MCEE: variants seen among roughly 807,000 people sequenced by gnomAD.
MCEE encodes methylmalonyl-CoA epimerase, also known as methylmalonyl-CoA epimerase, mitochondrial.
MCEE carries 6 observed loss-of-function variants against 12.9 expected under a neutral mutation model. The ratio of observed to expected loss-of-function variants is 0.47; its 90% CI spans 0.26 to 0.92. The LOEUF is 0.92. Among genes scored for constraint, MCEE ranks in the 40% least tolerant of loss-of-function variants. The pLI is 0.16. For missense variants in MCEE, 214 were observed against 212.1 expected (o/e 1.01, Z -0.05); for synonymous variants, 78 against 77.9 (o/e 1.00, Z -0.01).
chr2:71,110,108 A>G lies in MCEE; in HGVS notation c.393T>C (p.Asn131=), dbSNP rs937284196. The change falls in exon 3 of 3, where the codon AAT becomes AAC. Residue 131 remains asparagine (N), a synonymous_variant. Transcript: ENST00000244217. ...HHICIEVDNI[N]AAVMDLKKKK... ...TTTTTTTCAAATCCATCACAGCTGC[A>G]TTAATATTATCCACCTTAAGAAAGG... 3 of 1,612,952 alleles carry G rather than the reference A, an allele frequency of 1.9e-6. No homozygotes were observed. Among genetic ancestry groups the G allele is most frequent in the Non-Finnish European group, 1.7e-6 (2 of 1,179,140 alleles).
chr2:71,126,250 C>T lies in MCEE; in HGVS notation c.41-1707G>A, dbSNP rs537112644. ...ACTTTATTATTTATTTATTTTGAGA[C>T]GAACTCTTGCTCTTTCACCCAGGCT... On this transcript the variant is annotated intron_variant, in intron 1 of 2. Coordinates refer to ENST00000244217, the MANE Select transcript of MCEE (RefSeq NM_032601.4). Among the ~76,000 whole-genome samples, 175 of 152,200 alleles carry T rather than the reference C, an allele frequency of 1.1e-3. 1 individual carries two copies. The highest frequency in any genetic ancestry group is 4.0e-3 in the African/African-American group (166 of 41,496).
Position 71,110,076 on chromosome 2 carries a change from ATCT to A in MCEE, c.422_424del (p.Lys141del). 3 of 1,613,506 alleles carry A rather than the reference ATCT, an allele frequency of 1.9e-6. No individual in the cohort carries two copies. Among genetic ancestry groups the A allele is most frequent in the East Asian group, 2.2e-5 (1 of 44,846 alleles). ...TTTGACCTCTTCACTTAGACTGCGG[ATCT>A]TCTTTTTTTTCAAATCCATCACAGC... is the stretch of plus-strand genomic sequence containing the variant. On this transcript the variant is annotated inframe_deletion, in exon 3 of 3. Transcript: ENST00000244217.
At chr2:71,125,010 G>T (rs2103640904) in intron 1 of MCEE, among the ~76,000 whole-genome samples, 1 of 151,082 alleles carries the variant, frequency 6.6e-6, no homozygotes, top group Middle Eastern at 3.4e-3. Flanking sequence ...ACTCTTTAAT[G>T]CTCTGTTGCC....
intron 1 of MCEE, among the ~76,000 whole-genome samples, chr2:71,125,211 A>ATATTT: frequency 3.9e-4 from 19 of 48,594 alleles, no homozygotes; most frequent in African/African-American, 1.0e-3. Context: ...ATATATATAT[A>ATATTT]TTTTTTTTTT....
At chr2:71,116,333 A>T (rs1323471688) in intron 2 of MCEE, among the ~76,000 whole-genome samples, 1 of 149,900 alleles carries the variant, frequency 6.7e-6, no homozygotes, top group Non-Finnish European at 1.5e-5. Flanking sequence ...CGGCCTCCCA[A>T]AAGTGCTGGG....
chr2:71,129,780 T>C (rs751526598), intron 1 of MCEE: 5 of 305,954 alleles, frequency 1.6e-5, no homozygotes, highest in Non-Finnish European at 3.2e-5. Context: ...AGTTGTTGTT[T>C]TTACGGAACG....
Position 71,119,742 on chromosome 2 carries a change from T to C in MCEE, c.378+4464A>G, listed in dbSNP as rs771444094. Among the ~76,000 whole-genome samples the C allele has an allele frequency of 4.7e-5, 7 of 150,104 alleles. 1 individual carries two copies. Among genetic ancestry groups the C allele is most frequent in the Admixed American group, 1.3e-4 (2 of 15,186 alleles). ...CAAAAATACTTAACAATCAGGAAAA[T>C]ACAAAGATACTAATCAGATAGAATT... On this transcript the variant is annotated intron_variant, in intron 2 of 2. Coordinates refer to ENST00000244217, the MANE Select transcript of MCEE (RefSeq NM_032601.4).
chr2:71,112,730 C>T (rs563584949), intron 2 of MCEE, among the ~76,000 whole-genome samples: 1 of 152,306 alleles, frequency 6.6e-6, no homozygotes, highest in East Asian at 1.9e-4. Flanking sequence ...GCCACTGTTG[C>T]CCGGCCTGGT....
At chr2:71,125,232 G>T (rs1156983649) in intron 1 of MCEE, among the ~76,000 whole-genome samples, 1 of 39,642 alleles carries the variant, frequency 2.5e-5, no homozygotes, top group Non-Finnish European at 7.2e-5. Context: ...TTTTTGAGAC[G>T]GAGTCTCACT....
intron 1 of MCEE, among the ~76,000 whole-genome samples, chr2:71,124,745 G>A (rs1673182913): frequency 6.6e-6 from 1 of 151,960 alleles, no homozygotes; most frequent in Non-Finnish European, 1.5e-5. Flanking sequence ...ATAACTGACT[G>A]GAATAAAAAA....
intron 1 of MCEE, among the ~76,000 whole-genome samples, chr2:71,125,211 A>ATATATATATATATTTTTT: frequency 2.1e-4 from 10 of 48,600 alleles, no homozygotes; most frequent in African/African-American, 6.0e-4. Context: ...ATATATATAT[A>ATATATATATATATTTTTT]TTTTTTTTTT....
At chr2:71,116,564 T>G (rs902754956) in intron 2 of MCEE, among the ~76,000 whole-genome samples, 3 of 148,936 alleles carry the variant, frequency 2.0e-5, no homozygotes, top group Non-Finnish European at 4.4e-5. Context: ...TTTTTTTTTT[T>G]TGAGATGGAG....
rs1006368022 is a variant in MCEE, at chr2:71,122,615, T to C, written c.378+1591A>G. On this transcript the variant is annotated intron_variant, in intron 2 of 2. Coordinates refer to ENST00000244217, the MANE Select transcript of MCEE (RefSeq NM_032601.4). Reference sequence around the variant, plus strand: ...CAGATTGGGCAGGGAAAATCCCCCTTATAAAACTGTCAGATCTTGTGAAAC... The same window carrying C: ...CAGATTGGGCAGGGAAAATCCCCCTCATAAAACTGTCAGATCTTGTGAAAC... Among the ~76,000 whole-genome samples, 15 of 152,104 alleles carry C rather than the reference T, an allele frequency of 9.9e-5. No homozygotes were observed. The East Asian group carries it at 2.5e-3, about 25-fold the overall frequency.
intron 1 of MCEE, among the ~76,000 whole-genome samples, chr2:71,128,469 G>C (rs1673286442): frequency 6.6e-6 from 1 of 151,964 alleles, no homozygotes; most frequent in South Asian, 2.1e-4. Context: ...ATCAAGAGAC[G>C]AATGGATAAA....
At chr2:71,128,513 T>C (rs72837609) in intron 1 of MCEE, among the ~76,000 whole-genome samples, 1,507 of 147,826 alleles carry the variant, frequency 0.01, 18 homozygotes, top group Non-Finnish European at 0.014. Flanking sequence ...TGGAATATTA[T>C]TCAGTCTTAA....
chr2:71,130,021 G>C, intron 1 of MCEE, 159 bp downstream of exon 1: 2 of 746,556 alleles, frequency 2.7e-6, no homozygotes, highest in Non-Finnish European at 2.4e-6. Flanking sequence ...GCTTCTGGAA[G>C]GCACCCTCTG....
intron 1 of MCEE, among the ~76,000 whole-genome samples, chr2:71,127,826 A>C (rs1673270256): frequency 6.6e-6 from 1 of 152,172 alleles, no homozygotes; most frequent in East Asian, 1.9e-4. Flanking sequence ...GGGTTTTGCC[A>C]TGTTGGCCAG....
At chr2:71,110,152 T>G in intron 2 of MCEE, 30 bp from the exon 3 acceptor site, 6 of 1,601,370 alleles carry the variant, frequency 3.7e-6, no homozygotes, top group Non-Finnish European at 5.1e-6. Flanking sequence ...TTGAACACAT[T>G]TGAGATCATA....
Position 71,124,703 on chromosome 2 carries a change from T to TA in MCEE, c.41-161dup, listed in dbSNP as rs11424178. On this transcript the variant is annotated intron_variant, in intron 1 of 2. Coordinates refer to ENST00000244217, the MANE Select transcript of MCEE (RefSeq NM_032601.4). ...AAACCAGGAGATAAATGGAAAAACT[T>TA]ACATCAGAATTACTCTGCTCTGCCC... Among the ~76,000 whole-genome samples the TA allele has an allele frequency of 0.55, 83,008 of 151,958 alleles. 25,117 individuals are homozygous for TA. The highest frequency in any genetic ancestry group is 0.69 in the Middle Eastern group (202 of 294).
Sources: gnomAD v4.1 joint callset for allele counts (sites outside exome capture counted in the v4.1 genomes callset) on GRCh38, gnomAD v4.1.1 for gene constraint, MANE v1.5 for transcripts, NCBI Gene and HGNC (gene_info 2026-07-23, HGNC 2026-07-21) for gene names.